BLTP2: variants seen among roughly 807,000 people sequenced by gnomAD.
BLTP2 encodes the protein bridge-like lipid transfer protein family member 2, also known as U937-associated antigen.
the BLTP2 span, chr17:28,642,481 C>G: frequency 1.5e-5 from 10 of 674,592 alleles, no homozygotes; most frequent in South Asian, 5.0e-5. Flanking sequence ...GAAACCTCAT[C>G]TCTACTAAAA....
At chr17:28,645,109 G>T in the BLTP2 span, 13 of 1,518,398 alleles carry the variant, frequency 8.6e-6, no homozygotes, top group African/African-American at 1.7e-4. Context: ...GCCGGGCCCC[G>T]ACGCCGGATC....
the BLTP2 span, among the ~76,000 whole-genome samples, chr17:28,644,522 A>T: frequency 1.3e-5 from 2 of 152,190 alleles, no homozygotes; most frequent in Admixed American, 1.3e-4. Context: ...ATGTGCCATC[A>T]CACTCCCCAG....
At chr17:28,644,859 CCCT>C in the BLTP2 span, 3 of 745,162 alleles carry the variant, frequency 4.0e-6, no homozygotes, top group Non-Finnish European at 6.6e-6. Flanking sequence ...CGCGCCCCCT[CCCT>C]CCACCCTACC....
At chr17:28,616,381 CTG>C in the BLTP2 span, 2 of 1,614,204 alleles carry the variant, frequency 1.2e-6, no homozygotes, top group Non-Finnish European at 1.7e-6. This position sits in a 1 kb window ranked among gnomAD's most constrained non-coding sequence, Gnocchi z 4.8. Flanking sequence ...TTTGGTACCT[CTG>C]GCGATTTGCG....
At chr17:28,618,516 T>C in the BLTP2 span, among the ~76,000 whole-genome samples, 1 of 152,284 alleles carries the variant, frequency 6.6e-6, no homozygotes, top group South Asian at 2.1e-4. Flanking sequence ...ACACGTGGCC[T>C]GTATCATTTT....
At chr17:28,622,129 C>T in the BLTP2 span, among the ~76,000 whole-genome samples, 1 of 152,170 alleles carries the variant, frequency 6.6e-6, no homozygotes, top group African/African-American at 2.4e-5. Context: ...CAAAAGAAGG[C>T]ATGCCTAAAA....
chr17:28,644,034 T>C, the BLTP2 span: 6 of 1,613,224 alleles, frequency 3.7e-6, no homozygotes, highest in East Asian at 4.5e-5. Context: ...CCTACACACA[T>C]ATCCAGAGTT....
the BLTP2 span, chr17:28,643,423 G>C: frequency 1.4e-6 from 2 of 1,471,646 alleles, no homozygotes; most frequent in Non-Finnish European, 1.9e-6. Context: ...TCAAATCACA[G>C]AGATTAGTTT....
chr17:28,642,148 C>A, the BLTP2 span: 1 of 1,581,490 alleles, frequency 6.3e-7, no homozygotes, highest in South Asian at 1.1e-5. Flanking sequence ...ATGTGGTGAT[C>A]TGGAACACTG....
chr17:28,615,121 A>T, the BLTP2 span: 6 of 1,613,972 alleles, frequency 3.7e-6, no homozygotes, highest in Non-Finnish European at 5.1e-6. Flanking sequence ...CCACACTTAA[A>T]CCAATGAGGA....
At chr17:28,635,164 G>A in the BLTP2 span, 19 of 1,613,810 alleles carry the variant, frequency 1.2e-5, no homozygotes, top group Admixed American at 3.3e-5. Flanking sequence ...GGTCTGCAGC[G>A]CAGGGAAGGG....
chr17:28,638,016 G>C, the BLTP2 span: 2 of 1,614,182 alleles, frequency 1.2e-6, no homozygotes, highest in Non-Finnish European at 1.7e-6. Flanking sequence ...GCTTCCACCT[G>C]AAGTCCTCGA....
the BLTP2 span, chr17:28,623,925 C>A: frequency 6.2e-7 from 1 of 1,613,948 alleles, no homozygotes; most frequent in African/African-American, 1.3e-5. Context: ...TGGCAGCTGA[C>A]ACAATGACAC....
chr17:28,644,897 A>G, the BLTP2 span: 1 of 1,136,924 alleles, frequency 8.8e-7, no homozygotes, highest in African/African-American at 1.6e-5. Flanking sequence ...CGCCTCAGTA[A>G]GGCGCGCGCC....
At chr17:28,637,963 C>G in the BLTP2 span, 116 of 1,614,200 alleles carry the variant, frequency 7.2e-5, no homozygotes, top group African/African-American at 1.4e-3. Flanking sequence ...GTGGACCCAT[C>G]AGGGATAAGA....
At chr17:28,633,042 C>A in the BLTP2 span, 1 of 1,587,220 alleles carries the variant, frequency 6.3e-7, no homozygotes, top group Non-Finnish European at 8.6e-7. Context: ...GCACCTCAGG[C>A]AGGAACTCTG....
the BLTP2 span, chr17:28,635,588 T>A: frequency 3.1e-6 from 5 of 1,613,690 alleles, no homozygotes; most frequent in South Asian, 5.5e-5. Flanking sequence ...CAAAGTAAGG[T>A]CAGCCCTGCA....
chr17:28,642,209 C>T, the BLTP2 span: 1 of 1,591,674 alleles, frequency 6.3e-7, no homozygotes, highest in Non-Finnish European at 8.6e-7. Flanking sequence ...GGATGTAAGC[C>T]CTAAGCTCCT....
the BLTP2 span, chr17:28,645,032 A>G: frequency 6.2e-7 from 1 of 1,601,484 alleles, no homozygotes; most frequent in African/African-American, 1.3e-5. Flanking sequence ...AGCAAGACCA[A>G]CAGCGCGGAG....
Sources: gnomAD v4.1 joint callset for allele counts (sites outside exome capture counted in the v4.1 genomes callset) on GRCh38, gnomAD v4.1.1 for gene constraint, Gnocchi (gnomAD v3.1) non-coding constraint, MANE v1.5 for transcripts, NCBI Gene and HGNC (gene_info 2026-07-23, HGNC 2026-07-21) for gene names.